The following CA12 variants were observed in gnomAD, a reference collection of about 807,000 sequenced individuals.
The protein encoded by CA12 is carbonic anhydrase 12, also known as carbonate dehydratase XII.
In CA12, 36 loss-of-function variants were observed where a neutral mutation model predicts 46.8. That is an observed-to-expected ratio of 0.77 (90% CI 0.59 to 1.02). The LOEUF is 1.02. Among genes scored for constraint, CA12 ranks in the 50% least tolerant of loss-of-function variants. The probability of loss-of-function intolerance (pLI) is 0.00; values close to 1 mark genes in which losing one functional copy is unlikely to be tolerated. For missense variants in CA12, 436 were observed against 451.4 expected (o/e 0.97, Z 0.31); for synonymous variants, 202 against 187.0 (o/e 1.08, Z -0.65).
intron 2 of CA12, among the ~76,000 whole-genome samples, chr15:63,358,547 A>T (rs959439650): frequency 1.3e-5 from 2 of 152,124 alleles, no homozygotes; most frequent in African/African-American, 4.8e-5. Context: ...TGACAAAAAA[A>T]TGCTCCCTCT....
rs34026505 is a variant in CA12 at position 63,348,297 on chromosome 15, A to G, written c.107-1588T>C. ...GCTGAGCTCTACTATTCTTATTTTCAAGGCCTCAAAATAACTCAACTACAC... is the reference window on the plus strand; with the variant it reads ...GCTGAGCTCTACTATTCTTATTTTCGAGGCCTCAAAATAACTCAACTACAC... On this transcript the variant is annotated intron_variant, in intron 2 of 10. Coordinates refer to ENST00000178638, the MANE Select transcript of CA12 (RefSeq NM_001218.5). This position sits in a 1 kb window ranked among gnomAD's most constrained non-coding sequence, Gnocchi z 4.6. Among the ~76,000 whole-genome samples the G allele has an allele frequency of 0.04, 6,151 of 152,254 alleles. 159 individuals are homozygous for G. Among genetic ancestry groups the G allele is most frequent in the Middle Eastern group, 0.058 (17 of 294 alleles).
chr15:63,344,581 C>G (rs886390338), intron 4 of CA12, among the ~76,000 whole-genome samples: 2 of 152,212 alleles, frequency 1.3e-5, no homozygotes, highest in African/African-American at 4.8e-5. Context: ...CAGATCCTAT[C>G]CCTTCCATGC....
Position 63,372,353 on chromosome 15 carries a change from G to A in CA12, c.106+3305C>T, listed in dbSNP as rs547549257. On this transcript the variant is annotated intron_variant, in intron 2 of 10. Coordinates refer to ENST00000178638, the MANE Select transcript of CA12 (RefSeq NM_001218.5). This position sits in a 1 kb window ranked among gnomAD's most constrained non-coding sequence, Gnocchi z 4.5. ...AGCTGCTGTTTCAGCACCCTAGGAG[G>A]GGCTCAAAGAGGTGGCGCTGGCCCC... 6.6e-5 allele frequency among the ~76,000 whole-genome samples: 10 copies of A among 152,330 alleles called. No individual in the cohort carries two copies. Among genetic ancestry groups the A allele is most frequent in the African/African-American group, 2.4e-4 (10 of 41,568 alleles).
At chr15:63,370,441 T>TG (rs1170548193) in intron 2 of CA12, among the ~76,000 whole-genome samples, 56 of 112,556 alleles carry the variant, frequency 5.0e-4, no homozygotes, top group African/African-American at 1.9e-3. Flanking sequence ...AAGCCCTGTC[T>TG]CAAAAAAAAA....
Position 63,327,090 on chromosome 15 carries a change from A to C in CA12, c.992+59T>G. The C allele has an allele frequency of 6.8e-7, 1 of 1,467,516 alleles. No homozygotes were observed. Among genetic ancestry groups the C allele is most frequent in the Non-Finnish European group, 9.5e-7 (1 of 1,047,442 alleles). 90.9% of individuals were successfully genotyped at this position (1,467,516 alleles called of 1,614,324 possible). ...ATGCCACAAAGCTGCCTTCCCAGGC[A>C]GACTAATCATCATGGACACATAGCT... On this transcript the variant is annotated intron_variant, in intron 10 of 10. Transcript: ENST00000178638. The surrounding 1 kb of genome is among the most constrained non-coding windows in gnomAD (Gnocchi z 4.5).
chr15:63,356,919 G>T (rs909064654), intron 2 of CA12, among the ~76,000 whole-genome samples: 4 of 152,206 alleles, frequency 2.6e-5, no homozygotes, highest in African/African-American at 9.6e-5. Context: ...TTAGTCAAAA[G>T]GTGGAAATAA....
chr15:63,377,092 C>T (rs573310482), intron 1 of CA12, among the ~76,000 whole-genome samples: 6 of 152,282 alleles, frequency 3.9e-5, no homozygotes, highest in Middle Eastern at 3.4e-3. Flanking sequence ...AAATGTTCTT[C>T]GTTCCTATGT....
Position 63,340,479 on chromosome 15 carries a change from G to A in CA12, c.590-34C>T, listed in dbSNP as rs535618461. ...ACATGTTGCAGAGGTGATAGTGTCA[G>A]CCTCCCTCCGTAGGGCATAAGTGCA... On this transcript the variant is annotated intron_variant, in intron 6 of 10. Coordinates refer to ENST00000178638, the MANE Select transcript of CA12 (RefSeq NM_001218.5). The surrounding 1 kb of genome is among the most constrained non-coding windows in gnomAD (Gnocchi z 4.4). The A allele has an allele frequency of 1.3e-5, 21 of 1,613,626 alleles. No individual in the cohort carries two copies. Among genetic ancestry groups the A allele is most frequent in the East Asian group, 2.2e-5 (1 of 44,884 alleles).
rs891968115 is a variant in CA12 at position 63,373,702 on chromosome 15, G to C, written c.106+1956C>G. On this transcript the variant is annotated intron_variant, in intron 2 of 10. Coordinates refer to ENST00000178638, the MANE Select transcript of CA12 (RefSeq NM_001218.5). This position sits in a 1 kb window ranked among gnomAD's most constrained non-coding sequence, Gnocchi z 4.9. ...ATCTGCATTTTGGGGAAGTATTCCA[G>C]GTGATCCTGATGTGGGTGATCCCAA... Among the ~76,000 whole-genome samples the C allele has an allele frequency of 7.2e-5, 11 of 152,192 alleles. No homozygotes were observed. The highest frequency in any genetic ancestry group is 2.7e-4 in the African/African-American group (11 of 41,430).
At chr15:63,366,055 T>C (rs1321011742) in intron 2 of CA12, among the ~76,000 whole-genome samples, 1 of 149,760 alleles carries the variant, frequency 6.7e-6, no homozygotes, top group Non-Finnish European at 1.5e-5. Flanking sequence ...GCATGAGAAT[T>C]GCTGGAAACT....
chr15:63,350,472 C>T (rs966075379), intron 2 of CA12, among the ~76,000 whole-genome samples: 3 of 152,224 alleles, frequency 2.0e-5, no homozygotes, highest in Non-Finnish European at 4.4e-5. Flanking sequence ...TGAGTTTTGA[C>T]TTCGCCTCTC....
At chr15:63,360,800 C>A (rs540893092) in intron 2 of CA12, among the ~76,000 whole-genome samples, 1 of 152,200 alleles carries the variant, frequency 6.6e-6, no homozygotes, top group Admixed American at 6.5e-5. Context: ...ACAACACCAG[C>A]ACACGTCATC....
chr15:63,367,766 T>C (rs1245508888), intron 2 of CA12, among the ~76,000 whole-genome samples: 1 of 152,230 alleles, frequency 6.6e-6, no homozygotes, highest in African/African-American at 2.4e-5. Context: ...TGGCAGCTAG[T>C]ATTTGTTTCT....
chr15:63,343,458 T>A (rs899978449), intron 4 of CA12, among the ~76,000 whole-genome samples: 29 of 151,908 alleles, frequency 1.9e-4, no homozygotes, highest in Admixed American at 1.6e-3. Context: ...ATTTTGCATT[T>A]TTAGTAGAGA....
chr15:63,346,791 A>G (rs961284109), intron 2 of CA12, 82 bp from the exon 3 acceptor site: 13 of 1,454,220 alleles, frequency 8.9e-6, no homozygotes, highest in African/African-American at 7.0e-5. Context: ...GTTCAATACA[A>G]TTACTCCTTT....
At position 63,328,796 on chromosome 15, in the gene CA12, G is replaced by C. The variant is rs146892245; in HGVS notation, c.875-666C>G. On this transcript the variant is annotated intron_variant, in intron 8 of 10. Coordinates refer to ENST00000178638, the MANE Select transcript of CA12 (RefSeq NM_001218.5). The surrounding 1 kb of genome is among the most constrained non-coding windows in gnomAD (Gnocchi z 5.9). ...GCTCACTGCAACCTCCACCTCCTGG[G>C]TTCAAGCAATTCTCATGCCTCAGCC... Among the ~76,000 whole-genome samples the C allele has an allele frequency of 2.0e-5, 3 of 152,170 alleles. No individual in the cohort carries two copies.
intron 2 of CA12, among the ~76,000 whole-genome samples, chr15:63,353,594 C>T (rs867685995): frequency 2.6e-5 from 4 of 152,190 alleles, no homozygotes; most frequent in Admixed American, 6.5e-5. Flanking sequence ...CAGTCCCGCT[C>T]TTGTGGCTAG....
rs1370991097 is a variant in CA12, at chr15:63,324,632, G to T, written c.*1653C>A. 1 of 151,830 alleles carries T rather than the reference G, an allele frequency of 6.6e-6. No homozygotes were observed. The highest frequency in any genetic ancestry group is 1.5e-5 in the Non-Finnish European group (1 of 68,046). The allele number at this position is 151,830 out of a possible 1,614,324, so 9.4% of individuals were successfully genotyped here. A position where few individuals can be genotyped will look rare whatever the true frequency, so the allele number is the denominator to read the frequency against. On this transcript the variant is annotated 3_prime_UTR_variant, in exon 11 of 11. Transcript: ENST00000178638. Reference sequence around the variant, plus strand: ...CTTGTAACTTTGCCTAGCAAAACAGGCTCCCAAGACATAAGGCTTGCCATC... The same window carrying T: ...CTTGTAACTTTGCCTAGCAAAACAGTCTCCCAAGACATAAGGCTTGCCATC...
intron 2 of CA12, among the ~76,000 whole-genome samples, chr15:63,367,518 C>T (rs1352496497): frequency 5.3e-5 from 8 of 152,208 alleles, no homozygotes; most frequent in Admixed American, 2.6e-4. Flanking sequence ...TCACTGTCAT[C>T]ATTACCTAGG....
Sources: allele counts gnomAD v4.1 joint callset (sites outside exome capture counted in the v4.1 genomes callset), GRCh38; gene constraint gnomAD v4.1.1; non-coding constraint Gnocchi (gnomAD v3.1); transcripts MANE v1.5; gene names NCBI Gene and HGNC (gene_info 2026-07-23, HGNC 2026-07-21).